ECT2: variants seen among roughly 807,000 people sequenced by gnomAD.
The protein encoded by ECT2 is protein ECT2.
A neutral mutation model predicts 116.9 loss-of-function variants in ECT2; 61 were observed. The ratio of observed to expected loss-of-function variants is 0.52; its 90% CI spans 0.42 to 0.65. ECT2 has a LOEUF of 0.65. Ranked by LOEUF, ECT2 falls within the 30% of genes least tolerant of loss-of-function variation. The pLI, the probability that ECT2 is intolerant of heterozygous loss-of-function variation, is 0.00. For synonymous variants in ECT2, 358 were observed against 346.4 expected (o/e 1.03, Z -0.37); for missense variants, 937 against 1,078.7 (o/e 0.87, Z 1.84).
intron 1 of ECT2, among the ~76,000 whole-genome samples, chr3:172,753,256 C>A (rs1306974305): frequency 2.0e-5 from 3 of 152,038 alleles, no homozygotes; most frequent in African/African-American, 7.3e-5. Flanking sequence ...GCCACCCACA[C>A]CTGGCTAATT....
downstream of ECT2, among the ~76,000 whole-genome samples, chr3:172,822,120 G>GT (rs2109451494): frequency 6.6e-6 from 1 of 151,988 alleles, no homozygotes; most frequent in South Asian, 2.1e-4. Context: ...ATGCAATAGT[G>GT]TTTTTTCCAA....
intron 14 of ECT2, among the ~76,000 whole-genome samples, chr3:172,777,176 A>G (rs1721890902): frequency 6.6e-6 from 1 of 152,150 alleles, no homozygotes; most frequent in Admixed American, 6.6e-5. Flanking sequence ...AACAAAGCAG[A>G]TTTGATTGAG....
intron 20 of ECT2, among the ~76,000 whole-genome samples, chr3:172,804,238 C>T (rs539553564): frequency 1.3e-5 from 2 of 152,264 alleles, no homozygotes; most frequent in South Asian, 4.1e-4. Context: ...AAGAGCGGTT[C>T]ATGTGCAGAA....
chr3:172,755,269 C>T (rs1576826396), intron 2 of ECT2, 26 bp from the exon 3 acceptor site: 2 of 1,565,422 alleles, frequency 1.3e-6, no homozygotes, highest in South Asian at 2.3e-5. Context: ...ACATGATAAA[C>T]ATTGAAACAT....
intron 24 of ECT2, 77 bp from the exon 25 acceptor site, chr3:172,820,071 G>A: frequency 2.1e-6 from 2 of 951,022 alleles, no homozygotes; most frequent in Non-Finnish European, 3.1e-6. Flanking sequence ...AAAAATAATA[G>A]GCATGATACT....
At chr3:172,774,259 G>A (rs905294612) in intron 14 of ECT2, among the ~76,000 whole-genome samples, 2 of 152,112 alleles carry the variant, frequency 1.3e-5, no homozygotes, top group Admixed American at 6.6e-5. Context: ...GTGCATTGAT[G>A]TGATCTGGGC....
intron 20 of ECT2, among the ~76,000 whole-genome samples, chr3:172,803,308 GT>G (rs1560010582): frequency 6.6e-6 from 1 of 152,186 alleles, no homozygotes; most frequent in South Asian, 2.1e-4. Flanking sequence ...ATAATTCTGA[GT>G]TTTTTGAAAT....
At position 172,784,790 on chromosome 3, in the gene ECT2, A is replaced by G; in HGVS notation, c.1812A>G (p.Ala604=). The G allele has an allele frequency of 1.2e-6, 2 of 1,601,128 alleles. No homozygotes were observed. Among genetic ancestry groups the G allele is most frequent in the Admixed American group, 1.7e-5 (1 of 59,940 alleles). The change falls in exon 17 of 25, where the codon GCA becomes GCG. Residue 604 remains alanine (A), a synonymous_variant. Coordinates refer to ENST00000392692, the MANE Select transcript of ECT2 (RefSeq NM_001258315.2). The part of the protein sequence containing the change: ...IRPVQRLPSV[A]LLLNDLKKHT... ...CAGTACAGAGGTTACCCAGTGTTGC[A>G]TTACTTTTAAATGGTACTTGTCTGA...
intron 7 of ECT2, among the ~76,000 whole-genome samples, chr3:172,761,184 C>T (rs568956102): frequency 6.6e-6 from 1 of 152,200 alleles, no homozygotes. Context: ...TTCTTAGTCT[C>T]CCTTAGTGTA....
intron 12 of ECT2, among the ~76,000 whole-genome samples, chr3:172,767,923 G>A (rs770304495): frequency 4.6e-5 from 7 of 152,056 alleles, no homozygotes; most frequent in African/African-American, 7.2e-5. Flanking sequence ...GTAGAGATGA[G>A]GTTTCACCAT....
chr3:172,776,191 GTTTTTTCTTTT>G (rs1721655710), intron 14 of ECT2, among the ~76,000 whole-genome samples: 1 of 106,982 alleles, frequency 9.3e-6, no homozygotes, highest in Non-Finnish European at 1.8e-5. Flanking sequence ...TAGTTTTTCA[GTTTTTTCTTTT>G]TTTTTTTTTT....
rs916422105 is a variant in ECT2 at position 172,760,138 on chromosome 3, C to A, written c.577-18C>A. The A allele has an allele frequency of 6.4e-7, 1 of 1,555,880 alleles. No homozygotes were observed. The highest frequency in any genetic ancestry group is 8.7e-7 in the Non-Finnish European group (1 of 1,143,680). ...CAAATTAACCATAAAGTCAGTGTTG[C>A]TTAATTTTTCTTTTGAGGTCAGGTT... On this transcript the variant is annotated intron_variant, in intron 6 of 24. Coordinates refer to ENST00000392692, the MANE Select transcript of ECT2 (RefSeq NM_001258315.2).
chr3:172,777,553 A>T (rs1486227749), intron 14 of ECT2, among the ~76,000 whole-genome samples: 1 of 152,100 alleles, frequency 6.6e-6, no homozygotes, highest in Admixed American at 6.6e-5. Context: ...TCTTTTCCTC[A>T]GTATGAATTT....
chr3:172,807,061 C>T (rs918091673), intron 21 of ECT2, among the ~76,000 whole-genome samples: 2 of 152,114 alleles, frequency 1.3e-5, no homozygotes, highest in South Asian at 2.1e-4. Context: ...CCACGGGGGA[C>T]GGTTCCTGGA....
At chr3:172,823,931 CTCTT>C (rs1402020301), downstream of ECT2, among the ~76,000 whole-genome samples, 2 of 96,992 alleles carry the variant, frequency 2.1e-5, no homozygotes, top group African/African-American at 3.3e-5. Context: ...CTAAGTTTTT[CTCTT>C]TTTTTTTTTT....
intron 20 of ECT2, 83 bp downstream of exon 20, chr3:172,803,063 G>C (rs1727022302): frequency 8.0e-7 from 1 of 1,248,746 alleles, no homozygotes; most frequent in African/African-American, 1.5e-5. Context: ...TTTAATTGAA[G>C]AGTAATGTAG....
At chr3:172,785,674 G>A (rs1380876067) in intron 17 of ECT2, among the ~76,000 whole-genome samples, 1 of 152,098 alleles carries the variant, frequency 6.6e-6, no homozygotes, top group African/African-American at 2.4e-5. Context: ...ATCTTGGTTA[G>A]TATATGAATT....
intron 13 of ECT2, among the ~76,000 whole-genome samples, chr3:172,770,472 T>A (rs544471098): frequency 1.3e-5 from 2 of 152,308 alleles, no homozygotes; most frequent in Non-Finnish European, 2.9e-5. Context: ...TTTAAAAGAT[T>A]GTGGCCTAAA....
At chr3:172,827,208 G>A in the ECT2 span, among the ~76,000 whole-genome samples, 2 of 152,150 alleles carry the variant, frequency 1.3e-5, no homozygotes, top group African/African-American at 2.4e-5. Flanking sequence ...AACCACTGGA[G>A]AACAGTATAA....
Sources: allele counts gnomAD v4.1 joint callset (sites outside exome capture counted in the v4.1 genomes callset), GRCh38; gene constraint gnomAD v4.1.1; transcripts MANE v1.5; gene names NCBI Gene and HGNC (gene_info 2026-07-23, HGNC 2026-07-21).